Variants in TCF4 observed in about 807,000 individuals in gnomAD.
TCF4 encodes transcription factor 4.
In TCF4, 3 loss-of-function variants were observed where a neutral mutation model predicts 82.1. The ratio of observed to expected loss-of-function variants is 0.04; its 90% CI spans 0.02 to 0.09. The LOEUF is 0.09. Ranked by LOEUF, TCF4 falls within the 10% of genes least tolerant of loss-of-function variation. The pLI is 1.00. For synonymous variants in TCF4, 276 were observed against 309.6 expected (o/e 0.89, Z 1.14); for missense variants, 518 against 852.7 (o/e 0.61, Z 4.89).
At position 55,521,448 on chromosome 18, in the gene TCF4, CTG is replaced by C. The variant is rs1160708680; in HGVS notation, c.146-57313_146-57312del. On this transcript the variant is annotated intron_variant, in intron 3 of 19. Transcript: ENST00000354452. ...ACTGCTTTACAACACCAAAAGCAAA[CTG>C]TACACATTAAGTCAAATCTCATAAT... Among the ~76,000 whole-genome samples the C allele has an allele frequency of 3.3e-5, 5 of 152,286 alleles. No individual in the cohort carries two copies. The East Asian group carries it at 7.7e-4, about 24-fold the overall frequency.
intron 15 of TCF4, among the ~76,000 whole-genome samples, chr18:55,241,728 A>G (rs1000192415): frequency 2.0e-5 from 3 of 152,250 alleles, no homozygotes; most frequent in Non-Finnish European, 4.4e-5. Context: ...TTACTGTAAT[A>G]TATTTGAAAA....
intron 8 of TCF4, among the ~76,000 whole-genome samples, chr18:55,294,709 G>A (rs1469764655): frequency 6.6e-6 from 1 of 152,142 alleles, no homozygotes; most frequent in African/African-American, 2.4e-5. Flanking sequence ...GAAACTCATC[G>A]ATGTAGAATT....
chr18:55,424,294 C>T (rs2094895474), intron 5 of TCF4, among the ~76,000 whole-genome samples: 1 of 152,198 alleles, frequency 6.6e-6, no homozygotes, highest in Non-Finnish European at 1.5e-5. Context: ...GGAATCAGCT[C>T]TGTCTCAAGA....
chr18:55,303,534 T>C (rs2069096310), intron 8 of TCF4, among the ~76,000 whole-genome samples: 1 of 152,204 alleles, frequency 6.6e-6, no homozygotes, highest in Non-Finnish European at 1.5e-5. Context: ...ATTTTTCTCT[T>C]TCCCAATTTC....
chr18:55,291,705 A>C (rs376301677), intron 8 of TCF4, among the ~76,000 whole-genome samples: 2 of 152,224 alleles, frequency 1.3e-5, no homozygotes, highest in African/African-American at 4.8e-5. Context: ...TCAAATGCCC[A>C]CCCTCTTCCC....
intron 8 of TCF4, among the ~76,000 whole-genome samples, chr18:55,324,681 C>G (rs1385019463): frequency 6.6e-6 from 1 of 151,936 alleles, no homozygotes; most frequent in Admixed American, 6.6e-5. Context: ...TTGGTACCAC[C>G]CCCACCCCCC....
chr18:55,437,269 G>A (rs1366609740), intron 5 of TCF4, among the ~76,000 whole-genome samples: 3 of 152,160 alleles, frequency 2.0e-5, no homozygotes, highest in Non-Finnish European at 4.4e-5. Flanking sequence ...TACGTATGAT[G>A]TTGAATTGTG....
At chr18:55,296,112 T>G (rs1403670348) in intron 8 of TCF4, among the ~76,000 whole-genome samples, 1 of 152,140 alleles carries the variant, frequency 6.6e-6, no homozygotes, top group Non-Finnish European at 1.5e-5. Context: ...AAAGTGTTTT[T>G]TTTTTTTTTA....
chr18:55,475,023 T>C (rs1488355261), intron 3 of TCF4, among the ~76,000 whole-genome samples: 1 of 152,198 alleles, frequency 6.6e-6, no homozygotes, highest in Non-Finnish European at 1.5e-5. Flanking sequence ...TTTTGCACCT[T>C]AGTACTTCTG....
intron 5 of TCF4, among the ~76,000 whole-genome samples, chr18:55,442,193 T>C (rs2095450149): frequency 6.6e-6 from 1 of 152,164 alleles, no homozygotes; most frequent in African/African-American, 2.4e-5. Flanking sequence ...AAAAAAACTA[T>C]CTTGGCTATT....
rs187055552 is a variant in TCF4 at position 55,506,086 on chromosome 18, C to T, written c.146-41949G>A. ...TCTCTGAAATGGAGTGAATTCAAAG[C>T]TGGAAAGCTTGTGCTTCCAGTTTTA... On this transcript the variant is annotated intron_variant, in intron 3 of 19. Coordinates refer to ENST00000354452, the MANE Select transcript of TCF4 (RefSeq NM_001083962.2). Among the ~76,000 whole-genome samples the T allele has an allele frequency of 3.3e-4, 50 of 152,298 alleles. 1 individual carries two copies. The East Asian group carries it at 8.7e-3, about 26-fold the overall frequency.
At chr18:55,442,782 G>A (rs2095462037) in intron 5 of TCF4, among the ~76,000 whole-genome samples, 1 of 152,198 alleles carries the variant, frequency 6.6e-6, no homozygotes, top group Non-Finnish European at 1.5e-5. Flanking sequence ...CGGAACAGAA[G>A]CCAGGTGCAT....
intron 8 of TCF4, among the ~76,000 whole-genome samples, chr18:55,289,585 G>C (rs1362645480): frequency 3.3e-5 from 5 of 152,108 alleles, no homozygotes; most frequent in African/African-American, 2.4e-5. Context: ...GCAACCGACT[G>C]CTTTTTGTTT....
At chr18:55,560,261 C>A (rs2097343514) in intron 3 of TCF4, among the ~76,000 whole-genome samples, 1 of 152,162 alleles carries the variant, frequency 6.6e-6, no homozygotes, top group Non-Finnish European at 1.5e-5. Context: ...GACTAACTCA[C>A]ATGTTCAATA....
chr18:55,605,093 A>T (rs143562681), intron 2 of TCF4, among the ~76,000 whole-genome samples: 1 of 152,268 alleles, frequency 6.6e-6, no homozygotes, highest in East Asian at 1.9e-4. Flanking sequence ...GTCACACAAG[A>T]GCATTCATCT....
chr18:55,504,646 T>C (rs899341557), intron 3 of TCF4, among the ~76,000 whole-genome samples: 4 of 152,152 alleles, frequency 2.6e-5, no homozygotes, highest in Admixed American at 1.3e-4. Flanking sequence ...AAAAATAAAC[T>C]GAGGCACACA....
intron 3 of TCF4, among the ~76,000 whole-genome samples, chr18:55,568,346 T>C (rs2097428614): frequency 6.6e-6 from 1 of 151,246 alleles, no homozygotes; most frequent in Admixed American, 6.6e-5. Flanking sequence ...AAAGAAGGAA[T>C]ACATAAATAA....
chr18:55,228,804 C>A (rs1171328714), intron 18 of TCF4, 43 bp downstream of exon 18: 3 of 1,607,536 alleles, frequency 1.9e-6, no homozygotes, highest in Non-Finnish European at 2.6e-6. Context: ...GTGCCTGCCA[C>A]AAGCTCCTCA....
At chr18:55,498,340 T>C (rs1294601060) in intron 3 of TCF4, among the ~76,000 whole-genome samples, 1 of 152,134 alleles carries the variant, frequency 6.6e-6, no homozygotes, top group Middle Eastern at 3.2e-3. Flanking sequence ...ATGGTAAGCC[T>C]AGACTTTAAA....
Sources: allele counts gnomAD v4.1 joint callset (sites outside exome capture counted in the v4.1 genomes callset), GRCh38; gene constraint gnomAD v4.1.1; transcripts MANE v1.5; gene names NCBI Gene and HGNC (gene_info 2026-07-23, HGNC 2026-07-21).